FBXL17: variants seen among roughly 807,000 people sequenced by gnomAD.
FBXL17 encodes the protein F-box and leucine rich repeat protein 17.
Under a neutral mutation model 66.2 loss-of-function variants are expected in FBXL17, and 22 were observed. That is an observed-to-expected ratio of 0.33 (90% CI 0.24 to 0.47). FBXL17 has a LOEUF of 0.47. Among genes scored for constraint, FBXL17 ranks in the 20% least tolerant of loss-of-function variants. The pLI is 1.00. For missense variants in FBXL17, 878 were observed against 948.2 expected (o/e 0.93, Z 0.97); for synonymous variants, 474 against 400.5 (o/e 1.18, Z -2.19).
chr5:108,022,026 T>C (rs1167031983), intron 6 of FBXL17, among the ~76,000 whole-genome samples: 4 of 151,910 alleles, frequency 2.6e-5, no homozygotes, highest in Admixed American at 6.6e-5. Flanking sequence ...CTTCATAAAA[T>C]GTCAGGAAAT....
chr5:108,195,601 T>C (rs286763), intron 5 of FBXL17, among the ~76,000 whole-genome samples: 117,571 of 152,044 alleles, frequency 0.77, 46,087 homozygotes, highest in East Asian at 0.93. Flanking sequence ...AGGAGTGTAC[T>C]ATGTTCTAAT....
intron 6 of FBXL17, among the ~76,000 whole-genome samples, chr5:108,102,118 T>TGA (rs1354434921): frequency 2.0e-5 from 3 of 152,068 alleles, no homozygotes; most frequent in Non-Finnish European, 4.4e-5. Flanking sequence ...AATACAGCTC[T>TGA]GAGAGAGAGA....
rs540040572 is a variant in FBXL17, at chr5:108,007,988, TC to T, written c.1822+12936del. Among the ~76,000 whole-genome samples the T allele has an allele frequency of 2.2e-3, 332 of 152,320 alleles. 1 individual carries two copies. Among genetic ancestry groups the T allele is most frequent in the Non-Finnish European group, 4.0e-3 (272 of 68,032 alleles). ...ATATTCATGCGCATTCCCTGAATTT[TC>T]TGTAGCCCCAAAATATTGTGGAAAT... On this transcript the variant is annotated intron_variant, in intron 7 of 8. Transcript: ENST00000542267.
At chr5:108,036,570 G>A (rs1348645065) in intron 6 of FBXL17, among the ~76,000 whole-genome samples, 1 of 152,054 alleles carries the variant, frequency 6.6e-6, no homozygotes, top group Non-Finnish European at 1.5e-5. Context: ...TCAGACCCAA[G>A]CGCTTATGTC....
At chr5:108,196,784 T>C (rs1253251065) in intron 5 of FBXL17, among the ~76,000 whole-genome samples, 2 of 150,296 alleles carry the variant, frequency 1.3e-5, no homozygotes, top group Non-Finnish European at 2.9e-5. Flanking sequence ...AAACATTAAA[T>C]AATAAAAAAC....
At chr5:107,934,148 C>T (rs943863166) in intron 7 of FBXL17, among the ~76,000 whole-genome samples, 1 of 152,058 alleles carries the variant, frequency 6.6e-6, no homozygotes, top group Non-Finnish European at 1.5e-5. Context: ...ACCTTTTTTA[C>T]TTTCCATGAC....
At chr5:107,877,601 CA>C (rs1342207271) in intron 8 of FBXL17, among the ~76,000 whole-genome samples, 1 of 152,048 alleles carries the variant, frequency 6.6e-6, no homozygotes, top group Non-Finnish European at 1.5e-5. Context: ...TTCTCAGAAC[CA>C]CAGGATCACG....
chr5:108,001,037 A>T (rs1753701527), intron 7 of FBXL17, among the ~76,000 whole-genome samples: 1 of 152,226 alleles, frequency 6.6e-6, no homozygotes, highest in African/African-American at 2.4e-5. Flanking sequence ...TGCACTTATT[A>T]AAATGATCTG....
chr5:108,257,054 C>A (rs1406116451), intron 4 of FBXL17, among the ~76,000 whole-genome samples: 1 of 152,116 alleles, frequency 6.6e-6, no homozygotes, highest in African/African-American at 2.4e-5. Context: ...GAATAGGAGT[C>A]CATTAGGCTT....
At chr5:108,263,847 T>C (rs1026732278) in intron 4 of FBXL17, among the ~76,000 whole-genome samples, 17 of 152,176 alleles carry the variant, frequency 1.1e-4, no homozygotes, top group African/African-American at 3.6e-4. Flanking sequence ...GAGAAAATTA[T>C]CCTTATTAGA....
chr5:108,185,537 A>T (rs1453136225), intron 6 of FBXL17, among the ~76,000 whole-genome samples: 1 of 152,100 alleles, frequency 6.6e-6, no homozygotes, highest in Non-Finnish European at 1.5e-5. Context: ...TAAATTACCC[A>T]GTCTAAGGTA....
intron 6 of FBXL17, among the ~76,000 whole-genome samples, chr5:108,078,209 T>C (rs1748628872): frequency 6.6e-6 from 1 of 152,210 alleles, no homozygotes; most frequent in African/African-American, 2.4e-5. Context: ...ACTGAACTAA[T>C]CTATGCTCAG....
intron 4 of FBXL17, among the ~76,000 whole-genome samples, chr5:108,312,881 C>G (rs1759190373): frequency 6.6e-6 from 1 of 151,982 alleles, no homozygotes; most frequent in African/African-American, 2.4e-5. Context: ...ATATGATAAG[C>G]TAATAACAGA....
At chr5:108,038,461 G>C (rs1057100061) in intron 6 of FBXL17, among the ~76,000 whole-genome samples, 1 of 152,078 alleles carries the variant, frequency 6.6e-6, no homozygotes, top group Non-Finnish European at 1.5e-5. Flanking sequence ...TTGTGTTTCG[G>C]TGATGGGTAC....
Position 108,209,078 on chromosome 5 carries a change from G to A in FBXL17, c.1614+15043C>T, listed in dbSNP as rs146122226. 6.6e-3 allele frequency among the ~76,000 whole-genome samples: 1,002 copies of A among 152,212 alleles called. 9 individuals are homozygous for A. The highest frequency in any genetic ancestry group is 0.022 in the African/African-American group (925 of 41,526). On this transcript the variant is annotated intron_variant, in intron 5 of 8. Coordinates refer to ENST00000542267, the MANE Select transcript of FBXL17 (RefSeq NM_001163315.3). Reference sequence around the variant, plus strand: ...ATTTTATTATCTTTGTAGCAATTGCGAATGTGAGTTCACTCATTATTTGGC... The same window carrying A: ...ATTTTATTATCTTTGTAGCAATTGCAAATGTGAGTTCACTCATTATTTGGC...
intron 7 of FBXL17, among the ~76,000 whole-genome samples, chr5:107,977,453 G>A (rs1007415063): frequency 3.3e-5 from 5 of 152,158 alleles, no homozygotes; most frequent in African/African-American, 9.7e-5. Context: ...AAAAACTGGG[G>A]CTCGGAAAAG....
At chr5:108,285,049 G>A (rs1757844239) in intron 4 of FBXL17, among the ~76,000 whole-genome samples, 2 of 151,930 alleles carry the variant, frequency 1.3e-5, no homozygotes. Flanking sequence ...ATCCTTTGTT[G>A]TCATTTCAAC....
At chr5:108,057,120 T>C (rs1485336188) in intron 6 of FBXL17, among the ~76,000 whole-genome samples, 2 of 152,228 alleles carry the variant, frequency 1.3e-5, no homozygotes, top group Non-Finnish European at 2.9e-5. Context: ...AGGTTAACTA[T>C]TTAAATGAAA....
At chr5:108,359,734 C>G (rs563922338) in intron 3 of FBXL17, among the ~76,000 whole-genome samples, 26 of 152,094 alleles carry the variant, frequency 1.7e-4, no homozygotes, top group Admixed American at 3.9e-4. Flanking sequence ...ATCTGTGAGA[C>G]TGTTCCATGT....
Sources: allele counts gnomAD v4.1 joint callset (sites outside exome capture counted in the v4.1 genomes callset), GRCh38; gene constraint gnomAD v4.1.1; transcripts MANE v1.5; gene names NCBI Gene and HGNC (gene_info 2026-07-23, HGNC 2026-07-21).